Variants in BMAL2 observed in about 807,000 individuals in gnomAD.
The protein encoded by BMAL2 is basic helix-loop-helix ARNT-like protein 2.
At chr12:27,339,002 G>T in the BMAL2 span, among the ~76,000 whole-genome samples, 1 of 152,098 alleles carries the variant, frequency 6.6e-6, no homozygotes, top group Non-Finnish European at 1.5e-5. Context: ...GTGCAGGTTT[G>T]TTATATGGGT....
the BMAL2 span, among the ~76,000 whole-genome samples, chr12:27,407,866 AAG>A: frequency 6.6e-6 from 1 of 152,174 alleles, no homozygotes; most frequent in Non-Finnish European, 1.5e-5. Context: ...TAAAGAAGAA[AAG>A]AGAGAAGAAT....
At chr12:27,352,382 A>G in the BMAL2 span, among the ~76,000 whole-genome samples, 1 of 152,108 alleles carries the variant, frequency 6.6e-6, no homozygotes, top group African/African-American at 2.4e-5. Flanking sequence ...AATGCAGTCA[A>G]CCTCAACAAA....
the BMAL2 span, among the ~76,000 whole-genome samples, chr12:27,345,844 A>G: frequency 6.6e-6 from 1 of 152,156 alleles, no homozygotes; most frequent in African/African-American, 2.4e-5. Context: ...TTAATCTTTT[A>G]TTGCAAAGTA....
the BMAL2 span, chr12:27,403,600 A>T: frequency 9.1e-7 from 1 of 1,092,974 alleles, no homozygotes; most frequent in Non-Finnish European, 1.3e-6. Flanking sequence ...TATAAAATCA[A>T]TATACAAAAA....
chr12:27,416,001 G>T, the BMAL2 span: 3 of 1,247,008 alleles, frequency 2.4e-6, no homozygotes, highest in Non-Finnish European at 3.4e-6. Flanking sequence ...AATAAAATTT[G>T]CCCCTTGTTG....
chr12:27,401,122 GC>G, the BMAL2 span: 2 of 707,256 alleles, frequency 2.8e-6, no homozygotes, highest in Non-Finnish European at 2.4e-6. Flanking sequence ...GCCGAGGGGA[GC>G]CCAGTGATAT....
At chr12:27,336,113 C>T in the BMAL2 span, among the ~76,000 whole-genome samples, 6 of 152,260 alleles carry the variant, frequency 3.9e-5, no homozygotes, top group South Asian at 1.2e-3. Context: ...AATTGAAGAC[C>T]TCCACTTCTC....
chr12:27,414,318 C>T, the BMAL2 span, among the ~76,000 whole-genome samples: 29 of 152,254 alleles, frequency 1.9e-4, no homozygotes, highest in East Asian at 3.5e-3. Flanking sequence ...TGACTAAAGA[C>T]GTGAACACTC....
At chr12:27,369,275 T>C in the BMAL2 span, among the ~76,000 whole-genome samples, 1 of 150,118 alleles carries the variant, frequency 6.7e-6, no homozygotes, top group African/African-American at 2.5e-5. Context: ...TAAAACATCC[T>C]AGCTCTTTTT....
chr12:27,375,673 G>A, the BMAL2 span, among the ~76,000 whole-genome samples: 1 of 152,124 alleles, frequency 6.6e-6, no homozygotes, highest in South Asian at 2.1e-4. Flanking sequence ...CCCACAAAAC[G>A]ATACATTTGG....
At chr12:27,356,135 A>G in the BMAL2 span, among the ~76,000 whole-genome samples, 1 of 152,216 alleles carries the variant, frequency 6.6e-6, no homozygotes, top group Admixed American at 6.5e-5. Flanking sequence ...GGTTTAAATT[A>G]TACAGCTTGG....
the BMAL2 span, among the ~76,000 whole-genome samples, chr12:27,406,922 A>C: frequency 6.6e-6 from 1 of 152,240 alleles, no homozygotes; most frequent in Non-Finnish European, 1.5e-5. Context: ...TGGAAAACAA[A>C]AAAAGGCAGG....
the BMAL2 span, among the ~76,000 whole-genome samples, chr12:27,400,289 C>T: frequency 6.6e-6 from 1 of 151,992 alleles, no homozygotes; most frequent in Admixed American, 6.6e-5. Flanking sequence ...AATAGAGCAA[C>T]CTGTTCGTTT....
the BMAL2 span, among the ~76,000 whole-genome samples, chr12:27,377,752 A>T: frequency 2.6e-5 from 4 of 152,194 alleles, no homozygotes; most frequent in African/African-American, 9.6e-5. Flanking sequence ...AAAAAGATAA[A>T]GAAAAAAATC....
chr12:27,387,064 G>C, the BMAL2 span, among the ~76,000 whole-genome samples: 5 of 152,206 alleles, frequency 3.3e-5, no homozygotes, highest in Non-Finnish European at 5.9e-5. Flanking sequence ...AAATCTGTTT[G>C]CATCTTAAGA....
At chr12:27,404,918 A>G in the BMAL2 span, among the ~76,000 whole-genome samples, 2 of 152,130 alleles carry the variant, frequency 1.3e-5, no homozygotes, top group Non-Finnish European at 2.9e-5. Context: ...CACTTTTCCA[A>G]TGGTCTTAGC....
the BMAL2 span, among the ~76,000 whole-genome samples, chr12:27,352,595 G>C: frequency 1.3e-5 from 2 of 152,102 alleles, no homozygotes; most frequent in African/African-American, 2.4e-5. Context: ...GTCCTAGCCA[G>C]AGCAGTCAGG....
chr12:27,418,103 T>A, the BMAL2 span: 1 of 1,611,868 alleles, frequency 6.2e-7, no homozygotes, highest in Non-Finnish European at 8.5e-7. Flanking sequence ...AAATAAGGAG[T>A]TGTTTCCACC....
At chr12:27,395,482 C>T in the BMAL2 span, among the ~76,000 whole-genome samples, 14 of 152,216 alleles carry the variant, frequency 9.2e-5, no homozygotes, top group African/African-American at 2.4e-4. Flanking sequence ...AACTGCATAG[C>T]CCTGCTATGG....
Sources: gnomAD v4.1 joint callset for allele counts (sites outside exome capture counted in the v4.1 genomes callset) on GRCh38, gnomAD v4.1.1 for gene constraint, MANE v1.5 for transcripts, NCBI Gene and HGNC (gene_info 2026-07-23, HGNC 2026-07-21) for gene names.